Variants in COLQ observed in about 807,000 individuals in gnomAD.
COLQ encodes the protein collagen like tail subunit of asymmetric acetylcholinesterase.
In COLQ, 48 loss-of-function variants were observed where a neutral mutation model predicts 69.0. The observed-to-expected ratio is 0.70, with a 90% CI of 0.55 to 0.88. The LOEUF is 0.88. Ranked by LOEUF, COLQ falls within the 40% of genes least tolerant of loss-of-function variation. The pLI, the probability that COLQ is intolerant of heterozygous loss-of-function variation, is 0.00. For synonymous variants in COLQ, 217 were observed against 211.2 expected, an observed-to-expected ratio of 1.03 and a Z score of -0.24; for missense variants, 618 against 594.6, an observed-to-expected ratio of 1.04 and a Z score of -0.41.
At chr3:15,508,232 C>T (rs1026225346) in intron 1 of COLQ, among the ~76,000 whole-genome samples, 1 of 152,188 alleles carries the variant, frequency 6.6e-6, no homozygotes, top group Non-Finnish European at 1.5e-5. Flanking sequence ...CAAAAACAGT[C>T]TTTAAACTAC....
chr3:15,451,856 A>G, intron 16 of COLQ, 143 bp from the exon 17 acceptor site: 3 of 751,948 alleles, frequency 4.0e-6, no homozygotes, highest in Non-Finnish European at 7.0e-6. Context: ...GGCCTGGGGG[A>G]GTTGAATCAT....
chr3:15,519,609 C>CA (rs981958396), intron 1 of COLQ, among the ~76,000 whole-genome samples: 23 of 152,224 alleles, frequency 1.5e-4, no homozygotes, highest in Non-Finnish European at 2.8e-4. Context: ...ACCCCGCCCA[C>CA]ACCTCTCAAA....
At chr3:15,462,697 A>G (rs2062139322) in intron 12 of COLQ, among the ~76,000 whole-genome samples, 1 of 152,172 alleles carries the variant, frequency 6.6e-6, no homozygotes, top group African/African-American at 2.4e-5. Flanking sequence ...ATCTGCAGAA[A>G]CGTTACCAAT....
intron 12 of COLQ, among the ~76,000 whole-genome samples, chr3:15,460,173 G>C (rs1020870658): frequency 2.0e-5 from 3 of 152,312 alleles, no homozygotes; most frequent in South Asian, 2.1e-4. Context: ...ATCTCCAGTA[G>C]AATGTCGCTC....
At chr3:15,454,651 G>GT (rs56053367) in intron 15 of COLQ, among the ~76,000 whole-genome samples, 1,775 of 118,016 alleles carry the variant, frequency 0.015, 41 homozygotes, top group Middle Eastern at 0.027. Context: ...CCCCTGAACT[G>GT]TTTTTTTTTT....
intron 12 of COLQ, among the ~76,000 whole-genome samples, chr3:15,460,711 T>C (rs1342522241): frequency 6.6e-6 from 1 of 152,236 alleles, no homozygotes; most frequent in East Asian, 1.9e-4. Flanking sequence ...TGGTTGTTTG[T>C]TCTAACAAGA....
chr3:15,489,736 T>C, intron 1 of COLQ, 99 bp from the exon 2 acceptor site: 1 of 979,568 alleles, frequency 1.0e-6, no homozygotes, highest in East Asian at 2.6e-5. Flanking sequence ...ACCCCAGACT[T>C]CCACATCTAA....
rs1286781133 is a variant in COLQ at position 15,488,301 on chromosome 3, A to G, written c.226T>C (p.Ser76Pro). 1.9e-6 allele frequency: 3 copies of G among 1,613,252 alleles called. No individual in the cohort carries two copies. Among genetic ancestry groups the G allele is most frequent in the Non-Finnish European group, 1.7e-6 (2 of 1,179,932 alleles). ...AGCATGAGATTCTTCATGTCTGGGG[A>G]GAGAAGCTTCAGTACAAAGCAACAC... ...FFRGGRSPLL[S>P]PDMKNLMLEL... The change falls in exon 3 of 17, where the codon TCC becomes CCC. Residue 76 changes from serine to proline, a missense_variant. Ser to Pro is a moderately conservative substitution (Grantham distance 74). Transcript: ENST00000383788.
In COLQ at chr3:15,521,549, A is replaced by G. The variant is rs2063138065; in HGVS notation, c.77T>C (p.Phe26Ser). The change falls in exon 1 of 17, where the codon TTC becomes TCC. Residue 26 changes from phenylalanine (F) to serine (S), a missense_variant. By Grantham distance (155) the Phe-to-Ser change is radical. Transcript: ENST00000383788. ...FFLSIVSQPTFINSVLPISAA... is the reference protein window; with the variant it reads ...FFLSIVSQPTSINSVLPISAA... The stretch of plus-strand genomic sequence containing the variant: ...TGAGATTGGAAGAACGCTGTTGATG[A>G]AAGTCGGCTGAGACACGATAGAGAG... 1 of 1,614,200 alleles carries G rather than the reference A, an allele frequency of 6.2e-7. No homozygotes were observed. The highest frequency in any genetic ancestry group is 8.5e-7 in the Non-Finnish European group (1 of 1,180,042).
intron 11 of COLQ, among the ~76,000 whole-genome samples, chr3:15,469,942 TA>T (rs1327809211): frequency 6.6e-6 from 1 of 152,216 alleles, no homozygotes; most frequent in Non-Finnish European, 1.5e-5. Flanking sequence ...CTCAGGATTA[TA>T]TATGAGACAG....
At chr3:15,454,941 C>T (rs1326113536) in intron 15 of COLQ, among the ~76,000 whole-genome samples, 1 of 152,032 alleles carries the variant, frequency 6.6e-6, no homozygotes, top group Non-Finnish European at 1.5e-5. Context: ...GTTGAGATTA[C>T]AGGCATGAGC....
chr3:15,483,566 T>C (rs2062526389), intron 3 of COLQ, among the ~76,000 whole-genome samples: 2 of 152,254 alleles, frequency 1.3e-5, no homozygotes, highest in African/African-American at 2.4e-5. Context: ...GATTGCACTG[T>C]GGTCTGAGAG....
intron 1 of COLQ, among the ~76,000 whole-genome samples, chr3:15,512,031 CAAG>C (rs1236378402): frequency 6.6e-6 from 1 of 152,170 alleles, no homozygotes; most frequent in Non-Finnish European, 1.5e-5. Context: ...CCCGGGTCCC[CAAG>C]AAGCCCCATG....
intron 2 of COLQ, among the ~76,000 whole-genome samples, chr3:15,489,019 T>G (rs1329820859): frequency 6.6e-6 from 1 of 152,218 alleles, no homozygotes; most frequent in Non-Finnish European, 1.5e-5. Context: ...GTTTCCCTAA[T>G]CTTGCTCTTT....
chr3:15,485,533 G>C (rs1372056000), intron 3 of COLQ, among the ~76,000 whole-genome samples: 3 of 152,148 alleles, frequency 2.0e-5, no homozygotes, highest in Non-Finnish European at 4.4e-5. Flanking sequence ...CCTGAAATAT[G>C]ATTTCTGCAA....
chr3:15,483,858 G>T (rs1193282809), intron 3 of COLQ, among the ~76,000 whole-genome samples: 1 of 152,192 alleles, frequency 6.6e-6, no homozygotes, highest in Non-Finnish European at 1.5e-5. Context: ...AAGTCTCTTT[G>T]TAGGTCTCTA....
intron 3 of COLQ, among the ~76,000 whole-genome samples, chr3:15,482,114 C>A (rs899785768): frequency 6.6e-6 from 1 of 152,188 alleles, no homozygotes; most frequent in Non-Finnish European, 1.5e-5. Flanking sequence ...AGATTTTGGG[C>A]TGAGATGATG....
chr3:15,479,818 C>T (rs1364219363), intron 3 of COLQ, among the ~76,000 whole-genome samples: 2 of 152,198 alleles, frequency 1.3e-5, no homozygotes, highest in Non-Finnish European at 2.9e-5. Context: ...AAGTTTTGCA[C>T]ATAGCAGCAG....
chr3:15,481,266 G>A (rs2125126476), intron 3 of COLQ, among the ~76,000 whole-genome samples: 1 of 152,306 alleles, frequency 6.6e-6, no homozygotes, highest in African/African-American at 2.4e-5. Flanking sequence ...TTTTAGTCAT[G>A]AAGTCTTTGC....
Sources: allele counts gnomAD v4.1 joint callset (sites outside exome capture counted in the v4.1 genomes callset), GRCh38; gene constraint gnomAD v4.1.1; transcripts MANE v1.5; gene names NCBI Gene and HGNC (gene_info 2026-07-23, HGNC 2026-07-21).